GPC3: variants seen among roughly 807,000 people sequenced by gnomAD.
GPC3 encodes the protein glypican-3.
A neutral mutation model predicts 34.4 loss-of-function variants in GPC3; 3 were observed. That is an observed-to-expected ratio of 0.09 (90% CI 0.04 to 0.23). The LOEUF is 0.23. GPC3 is among the 10% of genes least tolerant of loss of function. GPC3 has a pLI of 1.00. For missense variants in GPC3, 351 were observed against 445.6 expected (o/e 0.79, Z 1.91); for synonymous variants, 177 against 174.0 (o/e 1.02, Z -0.13).
At chrX:133,648,528 C>A (rs996782637) in intron 6 of GPC3, among the ~76,000 whole-genome samples, 1 of 111,859 alleles carries the variant, frequency 8.9e-6, no homozygotes, top group Non-Finnish European at 1.9e-5. Flanking sequence ...ACATCCTTCA[C>A]GCTGCTGGCA....
chrX:133,753,556 G>C lies in GPC3; in HGVS notation c.958C>G (p.Leu320Val), dbSNP rs372222280. 1.7e-6 allele frequency: 2 copies of C among 1,208,023 alleles called. No homozygotes were observed. The highest frequency in any genetic ancestry group is 3.5e-5 in the African/African-American group (2 of 57,152). Reference sequence around the variant, plus strand: ...TGGATTGTTGAAAAGAGACCAAGCAGTACGTTCTCCATGTCATAGATTCTG... The same window carrying C: ...TGGATTGTTGAAAAGAGACCAAGCACTACGTTCTCCATGTCATAGATTCTG... ...MYRIYDMENV[L>V]LGLFSTIHDS... is the part of the protein sequence containing the mutation. The change falls in exon 3 of 8, where the codon CTG becomes GTG. Residue 320 changes from leucine to valine, a missense_variant. Physicochemically the swap from Leu to Val is conservative, Grantham distance 32. Coordinates refer to ENST00000370818, the MANE Select transcript of GPC3 (RefSeq NM_004484.4).
intron 7 of GPC3, among the ~76,000 whole-genome samples, chrX:133,538,268 C>T (rs1419790444): frequency 3.6e-5 from 4 of 112,301 alleles, no homozygotes; most frequent in Non-Finnish European, 7.5e-5. Context: ...AGCTGTCAGT[C>T]GGCAAGGATA....
At chrX:133,892,949 T>G (rs2076094607) in intron 2 of GPC3, among the ~76,000 whole-genome samples, 1 of 111,741 alleles carries the variant, frequency 8.9e-6, no homozygotes, top group African/African-American at 3.3e-5. Context: ...CGGAGAGTCA[T>G]CGCACCTTTT....
intron 7 of GPC3, among the ~76,000 whole-genome samples, chrX:133,593,353 G>GAAAAAAAAAAAAAAAAAA (rs1569391707): frequency 3.4e-5 from 2 of 58,158 alleles, no homozygotes; most frequent in Non-Finnish European, 6.6e-5. Flanking sequence ...AAAAAAAAAA[G>GAAAAAAAAAAAAAAAAAA]TAAAAAAAAA....
intron 2 of GPC3, among the ~76,000 whole-genome samples, chrX:133,917,065 C>T (rs1184202972): frequency 8.9e-6 from 1 of 111,924 alleles, no homozygotes; most frequent in Non-Finnish European, 1.9e-5. Context: ...ATTACCTACG[C>T]TAAAGAGTTG....
intron 2 of GPC3, among the ~76,000 whole-genome samples, chrX:133,825,022 C>A (rs970733749): frequency 4.0e-4 from 45 of 111,138 alleles, no homozygotes; most frequent in African/African-American, 1.3e-3. Context: ...TGCCAAGCTA[C>A]TTTTTTATAT....
chrX:133,697,204 G>T (rs2124435146), intron 4 of GPC3, among the ~76,000 whole-genome samples: 1 of 112,164 alleles, frequency 8.9e-6, no homozygotes, highest in East Asian at 2.8e-4. Flanking sequence ...ATTAAGGTTC[G>T]TTTTTTTCTC....
At chrX:133,625,394 C>CA (rs2070288553) in intron 6 of GPC3, among the ~76,000 whole-genome samples, 1 of 112,019 alleles carries the variant, frequency 8.9e-6, no homozygotes, top group African/African-American at 3.2e-5. Flanking sequence ...TTGCAGATGA[C>CA]ATGATTGTAT....
chrX:133,560,824 A>C (rs748449084), intron 7 of GPC3, among the ~76,000 whole-genome samples: 1 of 112,332 alleles, frequency 8.9e-6, no homozygotes, highest in Non-Finnish European at 1.9e-5. Flanking sequence ...TTACCAATTA[A>C]AAATAAAAAT....
chrX:133,966,595 T>TAGGAAATCA (rs2076464437), intron 1 of GPC3, among the ~76,000 whole-genome samples: 3 of 112,557 alleles, frequency 2.7e-5, no homozygotes, highest in Non-Finnish European at 5.6e-5. Flanking sequence ...GATAGGAACC[T>TAGGAAATCA]GTGGAAAAAG....
intron 2 of GPC3, among the ~76,000 whole-genome samples, chrX:133,886,402 C>T (rs1267979079): frequency 9.2e-6 from 1 of 109,048 alleles, no homozygotes; most frequent in East Asian, 2.8e-4. Flanking sequence ...TGGTCTGACA[C>T]GAGGTAGAAT....
At chrX:133,967,731 C>T (rs1482204289) in intron 1 of GPC3, among the ~76,000 whole-genome samples, 2 of 112,128 alleles carry the variant, frequency 1.8e-5, no homozygotes, top group East Asian at 5.6e-4. Context: ...CAAGCTCAAG[C>T]GATCCTCCCA....
At chrX:133,860,800 C>A (rs779414491) in intron 2 of GPC3, among the ~76,000 whole-genome samples, 1 of 111,647 alleles carries the variant, frequency 9.0e-6, no homozygotes, top group East Asian at 2.8e-4. Flanking sequence ...TATGGTAAGT[C>A]ATCTTTTAAA....
chrX:133,891,040 T>C (rs759143300), intron 2 of GPC3, among the ~76,000 whole-genome samples: 1 of 107,790 alleles, frequency 9.3e-6, no homozygotes, highest in Admixed American at 1.0e-4. Flanking sequence ...TAAAAAAAAA[T>C]AAAGAAAAAT....
At chrX:133,871,040 T>A (rs2075992035) in intron 2 of GPC3, among the ~76,000 whole-genome samples, 1 of 111,895 alleles carries the variant, frequency 8.9e-6, no homozygotes, top group Admixed American at 9.5e-5. Flanking sequence ...TTATGATGAG[T>A]TATGTGGATA....
chrX:133,686,425 T>C (rs1042991157), intron 5 of GPC3, among the ~76,000 whole-genome samples: 5 of 112,095 alleles, frequency 4.5e-5, no homozygotes, highest in African/African-American at 1.6e-4. Flanking sequence ...AAATATGTTA[T>C]ATACCTACAA....
intron 2 of GPC3, among the ~76,000 whole-genome samples, chrX:133,941,012 C>A: frequency 8.9e-6 from 1 of 112,318 alleles, no homozygotes; most frequent in Non-Finnish European, 1.9e-5. Flanking sequence ...ATCTGACAGG[C>A]CAGTATATCT....
chrX:133,946,105 G>A (rs746686992), intron 2 of GPC3, among the ~76,000 whole-genome samples: 1 of 112,050 alleles, frequency 8.9e-6, no homozygotes, highest in Admixed American at 9.5e-5. Context: ...ATCCCCCACA[G>A]TACCTGCCTT....
intron 3 of GPC3, among the ~76,000 whole-genome samples, chrX:133,752,017 G>A (rs1463946609): frequency 9.0e-6 from 1 of 110,650 alleles, no homozygotes; most frequent in Non-Finnish European, 1.9e-5. Flanking sequence ...CACCATGCCT[G>A]GCTAATTTTT....
Sources: gnomAD v4.1 joint callset for allele counts (sites outside exome capture counted in the v4.1 genomes callset) on GRCh38, gnomAD v4.1.1 for gene constraint, MANE v1.5 for transcripts, NCBI Gene and HGNC (gene_info 2026-07-23, HGNC 2026-07-21) for gene names.